ATP13A4: variants seen among roughly 807,000 people sequenced by gnomAD.
The protein encoded by ATP13A4 is ATPase 13A4.
In ATP13A4, 114 loss-of-function variants were observed where a neutral mutation model predicts 142.5. That is an observed-to-expected ratio of 0.80 (90% CI 0.69 to 0.93). The LOEUF (loss-of-function observed/expected upper bound fraction) is 0.93. ATP13A4 is among the 40% of genes least tolerant of loss of function. The pLI, the probability that ATP13A4 is intolerant of heterozygous loss-of-function variation, is 0.00. For synonymous variants in ATP13A4, 488 were observed against 514.8 expected, an observed-to-expected ratio of 0.95 and a Z score of 0.70; for missense variants, 1,392 against 1,454.0, an observed-to-expected ratio of 0.96 and a Z score of 0.69.
At chr3:193,428,337 T>C (rs541460555) in intron 25 of ATP13A4, among the ~76,000 whole-genome samples, 47 of 152,144 alleles carry the variant, frequency 3.1e-4, no homozygotes, top group African/African-American at 1.1e-3. Context: ...TTTTACACTG[T>C]TGGTGGGACT....
intron 14 of ATP13A4, 37 bp from the exon 15 acceptor site, chr3:193,457,502 A>G: frequency 6.3e-7 from 1 of 1,588,344 alleles, no homozygotes; most frequent in Non-Finnish European, 8.6e-7. Flanking sequence ...GCAGAGATTT[A>G]TTTATTGTTT....
intron 8 of ATP13A4, among the ~76,000 whole-genome samples, chr3:193,483,564 A>G (rs925588965): frequency 1.3e-5 from 2 of 152,128 alleles, no homozygotes; most frequent in East Asian, 3.8e-4. Context: ...TCCCGGGTTC[A>G]TGCCATTCTC....
chr3:193,486,513 G>A lies in ATP13A4; in HGVS notation c.739-2508C>T, dbSNP rs953667539. On this transcript the variant is annotated intron_variant, in intron 7 of 29. Coordinates refer to ENST00000342695, the MANE Select transcript of ATP13A4 (RefSeq NM_032279.4). ...AGGGGAAGAAGAGAGAAAGTTTCAA[G>A]GTTGGCAACCAGATTTCTGGCTTGT... 3.3e-5 allele frequency among the ~76,000 whole-genome samples: 5 copies of A among 152,306 alleles called. 1 individual carries two copies. The highest frequency in any genetic ancestry group is 7.2e-5 in the African/African-American group (3 of 41,570).
At chr3:193,505,302 G>C (rs1310235348) in intron 2 of ATP13A4, among the ~76,000 whole-genome samples, 3 of 152,150 alleles carry the variant, frequency 2.0e-5, no homozygotes, top group Non-Finnish European at 2.9e-5. Context: ...TGTGACAGCA[G>C]ACAGACCTCC....
Position 193,522,229 on chromosome 3 carries a change from C to T in ATP13A4, c.61-7358G>A, listed in dbSNP as rs548551312. On this transcript the variant is annotated intron_variant, in intron 1 of 29. Transcript: ENST00000342695. ...AACTCCTCCTTGTCACACAGATTGGCCGACAGAAAAGCAACTTATCCCACC... is the reference window on the plus strand; with the variant it reads ...AACTCCTCCTTGTCACACAGATTGGTCGACAGAAAAGCAACTTATCCCACC... Among the ~76,000 whole-genome samples the T allele has an allele frequency of 5.9e-5, 9 of 152,302 alleles. No individual in the cohort carries two copies. The East Asian group carries it at 7.7e-4, about 13-fold the overall frequency.
chr3:193,563,588 G>T (rs1724063756), intron 2 of ATP13A4, among the ~76,000 whole-genome samples: 1 of 152,158 alleles, frequency 6.6e-6, no homozygotes, highest in South Asian at 2.1e-4. Flanking sequence ...AGCTTGCAAG[G>T]TCAAGGCTGC....
chr3:193,581,935 C>A (rs775765060), intron 1 of ATP13A4: 9 of 152,004 alleles, frequency 5.9e-5, no homozygotes, highest in Non-Finnish European at 1.0e-4. Context: ...ACCGAGAATG[C>A]ATCTCACTTC....
At position 193,414,677 on chromosome 3, in the gene ATP13A4, T is replaced by A; in HGVS notation, c.2916A>T (p.Leu972=). 6.2e-7 allele frequency: 1 copy of A among 1,613,778 alleles called. No homozygotes were observed. Among genetic ancestry groups the A allele is most frequent in the Non-Finnish European group, 8.5e-7 (1 of 1,179,948 alleles). The change falls in exon 26 of 30, where the codon CTA becomes CTT. Residue 972 remains leucine (L), a synonymous_variant. Coordinates refer to ENST00000342695, the MANE Select transcript of ATP13A4 (RefSeq NM_032279.4). ...GAAGAATGTTGAAAATCACAGAGAG[T>A]AGCAGAGGTGGAGAGATCAGCCGTC... ...PAGRLISPPL[L]LSVIFNILLS...
upstream of ATP13A4, among the ~76,000 whole-genome samples, chr3:193,557,951 A>G (rs964955892): frequency 3.9e-5 from 6 of 152,230 alleles, no homozygotes; most frequent in African/African-American, 1.4e-4. Flanking sequence ...GCCTCACTGC[A>G]GCATGGGCTG....
chr3:193,528,718 AT>A (rs1259291565), intron 1 of ATP13A4, among the ~76,000 whole-genome samples: 1 of 152,180 alleles, frequency 6.6e-6, no homozygotes, highest in African/African-American at 2.4e-5. Context: ...ATGCATGCAC[AT>A]TTTACTAATC....
At chr3:193,523,129 C>T (rs1721813121) in intron 1 of ATP13A4, among the ~76,000 whole-genome samples, 1 of 151,994 alleles carries the variant, frequency 6.6e-6, no homozygotes, top group Non-Finnish European at 1.5e-5. Context: ...AAGGTGAAAC[C>T]CCGTCTCTAC....
At position 193,467,392 on chromosome 3, in the gene ATP13A4, G is replaced by A. The variant is rs900622335; in HGVS notation, c.1038C>T (p.Val346=). The change falls in exon 10 of 30, where the codon GTC becomes GTT. Residue 346 remains valine, a synonymous_variant. Transcript: ENST00000342695. ...GGATAACCTCTGTTCCACAGAAGAG[G>A]ACATGCCGCTTGTAATCCGCTTCAC... is the stretch of plus-strand genomic sequence containing the variant. ...TQSEADYKRH[V]LFCGTEVIQA... 5 of 1,613,974 alleles carry A rather than the reference G, an allele frequency of 3.1e-6. No homozygotes were observed. The highest frequency in any genetic ancestry group is 1.3e-5 in the African/African-American group (1 of 74,890).
At chr3:193,572,466 C>T (rs1205513330) in intron 2 of ATP13A4, among the ~76,000 whole-genome samples, 2 of 152,202 alleles carry the variant, frequency 1.3e-5, no homozygotes, top group East Asian at 3.8e-4. Flanking sequence ...TTGAATACTC[C>T]ATGATAGCAA....
At chr3:193,529,439 C>A (rs9844629) in intron 1 of ATP13A4, among the ~76,000 whole-genome samples, 20,431 of 151,608 alleles carry the variant, frequency 0.13, 1,490 homozygotes, top group Non-Finnish European at 0.16. Context: ...ATAACAAGAA[C>A]ATATTTCACA....
At chr3:193,586,692 G>A (rs1366674387) in intron 1 of ATP13A4, among the ~76,000 whole-genome samples, 1 of 152,160 alleles carries the variant, frequency 6.6e-6, no homozygotes, top group Non-Finnish European at 1.5e-5. Context: ...ACCTATTTCT[G>A]AACCCTTTAT....
At chr3:193,432,237 A>T (rs1716023811) in intron 25 of ATP13A4, among the ~76,000 whole-genome samples, 1 of 152,016 alleles carries the variant, frequency 6.6e-6, no homozygotes, top group Non-Finnish European at 1.5e-5. Context: ...TAGAATGGCC[A>T]AAATCCAGAA....
intron 8 of ATP13A4, among the ~76,000 whole-genome samples, chr3:193,479,702 C>A (rs1404192287): frequency 6.6e-6 from 1 of 152,072 alleles, no homozygotes; most frequent in African/African-American, 2.4e-5. Context: ...CAAAATCAAT[C>A]TACAAATTCA....
intron 29 of ATP13A4, 86 bp from the exon 30 acceptor site, chr3:193,402,950 T>C: frequency 1.7e-6 from 2 of 1,176,682 alleles, no homozygotes; most frequent in Admixed American, 2.0e-5. Context: ...AAGTCACTAC[T>C]GCAATGGTTG....
chr3:193,421,440 A>C (rs1212269623), intron 25 of ATP13A4, among the ~76,000 whole-genome samples: 1 of 149,748 alleles, frequency 6.7e-6, no homozygotes, highest in South Asian at 2.1e-4. Flanking sequence ...AAATGGAAGG[A>C]CACTACAAAT....
Sources: gnomAD v4.1 joint callset for allele counts (sites outside exome capture counted in the v4.1 genomes callset) on GRCh38, gnomAD v4.1.1 for gene constraint, MANE v1.5 for transcripts, NCBI Gene and HGNC (gene_info 2026-07-23, HGNC 2026-07-21) for gene names.